TMPRSS9: variants seen among roughly 807,000 people sequenced by gnomAD.
The protein encoded by TMPRSS9 is transmembrane protease serine 9.
TMPRSS9 carries 113 observed loss-of-function variants against 111.4 expected under a neutral mutation model. The observed-to-expected ratio is 1.01, with a 90% confidence interval of 0.87 to 1.19. The LOEUF is 1.19. TMPRSS9 is among the 50% of genes most tolerant of loss of function. The probability of loss-of-function intolerance (pLI) is 0.00; values close to 1 mark genes in which losing one functional copy is unlikely to be tolerated. For synonymous variants in TMPRSS9, 805 were observed against 659.1 expected (o/e 1.22, Z -3.39); for missense variants, 1,803 against 1,513.1 (o/e 1.19, Z -3.18).
At chr19:2,369,645 C>A (rs1399249307) in intron 1 of TMPRSS9, among the ~76,000 whole-genome samples, 1 of 142,790 alleles carries the variant, frequency 7.0e-6, no homozygotes, top group Admixed American at 7.2e-5. Context: ...CATTATGTTG[C>A]CTACACTGAT....
intron 1 of TMPRSS9, 69 bp from the exon 3 acceptor site, chr19:2,396,470 G>A: frequency 6.7e-7 from 1 of 1,495,830 alleles, no homozygotes; most frequent in Non-Finnish European, 9.0e-7. Flanking sequence ...GCGGGGCCTG[G>A]GTGGCAGCTC....
chr19:2,368,788 T>TTTTTTTTTTTTTTTTTG (rs1970267050), intron 1 of TMPRSS9, among the ~76,000 whole-genome samples: 1 of 114,372 alleles, frequency 8.7e-6, no homozygotes, highest in Non-Finnish European at 1.7e-5. Flanking sequence ...TTTTTTTTTT[T>TTTTTTTTTTTTTTTTTG]TTTTTTTTTT....
At position 2,409,030 on chromosome 19, in the gene TMPRSS9, A is replaced by AATAATG. The variant is rs1430224737; in HGVS notation, c.1117+402_1117+403insAATGAT. On this transcript the variant is annotated intron_variant, in intron 8 of 17. Transcript: ENST00000648592. ...TAATAATAATAATAATAATAATAAT[A>AATAATG]ATGATGATGCAGAAAAACACAGTGG... 4.7e-3 allele frequency among the ~76,000 whole-genome samples: 586 copies of AATAATG among 125,312 alleles called. 3 individuals are homozygous for AATAATG. The highest frequency in any genetic ancestry group is 0.024 in the Middle Eastern group (6 of 248). 82.2% of individuals were successfully genotyped at this position (125,312 alleles called of 152,430 possible).
At chr19:2,420,183 G>C (rs971115292) in intron 13 of TMPRSS9, among the ~76,000 whole-genome samples, 1 of 151,856 alleles carries the variant, frequency 6.6e-6, no homozygotes, top group Non-Finnish European at 1.5e-5. Context: ...GGCGGGTGCA[G>C]TGGCATGCAT....
At chr19:2,425,903 C>T in intron 17 of TMPRSS9, 24 bp from the exon 19 acceptor site, 2 of 1,566,582 alleles carry the variant, frequency 1.3e-6, no homozygotes, top group East Asian at 2.3e-5. Flanking sequence ...GGCCTCTGAA[C>T]CCCCTTTCTT....
At chr19:2,417,425 CACTGCACT>C in intron 12 of TMPRSS9, among the ~76,000 whole-genome samples, 1 of 150,092 alleles carries the variant, frequency 6.7e-6, no homozygotes, top group Non-Finnish European at 1.5e-5. Context: ...GAGATTGTGC[CACTGCACT>C]CCAGCCTGGG....
At chr19:2,410,530 G>A (rs906655900) in intron 9 of TMPRSS9, 136 bp downstream of exon 10, 3 of 1,256,660 alleles carry the variant, frequency 2.4e-6, no homozygotes, top group Non-Finnish European at 3.2e-6. Flanking sequence ...ACACAGACAC[G>A]AGCGTGTTCA....
chr19:2,369,241 G>A (rs1433742995), intron 1 of TMPRSS9, among the ~76,000 whole-genome samples: 4 of 152,080 alleles, frequency 2.6e-5, no homozygotes, highest in Admixed American at 6.6e-5. Context: ...CACTGTGCCC[G>A]GCCAAACCCA....
Position 2,399,354 on chromosome 19 carries a change from C to T in TMPRSS9, c.514+161C>T, listed in dbSNP as rs12609090. Among the ~76,000 whole-genome samples, 7 of 152,172 alleles carry T rather than the reference C, an allele frequency of 4.6e-5. No homozygotes were observed. In the East Asian group the frequency reaches 5.8e-4, roughly 13 times the overall value. ...ACCCCAGCATTTTGGGAGGCCGAGG[C>T]GGGTGGATCACCTGAGGTCAGGAGT... is the stretch of plus-strand genomic sequence containing the variant. On this transcript the variant is annotated intron_variant, in intron 4 of 17. Transcript: ENST00000648592.
intron 4 of TMPRSS9, among the ~76,000 whole-genome samples, chr19:2,401,335 C>A (rs1181012817): frequency 1.3e-5 from 2 of 152,122 alleles, no homozygotes; most frequent in Non-Finnish European, 2.9e-5. Context: ...CCCCACCAAC[C>A]GTCACATGCT....
At chr19:2,414,727 C>A (rs1408161787) in intron 10 of TMPRSS9, among the ~76,000 whole-genome samples, 1 of 150,852 alleles carries the variant, frequency 6.6e-6, no homozygotes, top group Non-Finnish European at 1.5e-5. Flanking sequence ...ATTAGCTGGG[C>A]ATGGTGGAGG....
intron 1 of TMPRSS9, among the ~76,000 whole-genome samples, chr19:2,383,320 C>T (rs1970408394): frequency 6.6e-6 from 1 of 151,616 alleles, no homozygotes; most frequent in African/African-American, 2.4e-5. Flanking sequence ...CACCACTGCA[C>T]TCCAGCCTGG....
chr19:2,379,181 CTTTTTTTTTTTT>C (rs919990556), intron 1 of TMPRSS9, among the ~76,000 whole-genome samples: 1 of 99,422 alleles, frequency 1.0e-5, no homozygotes, highest in South Asian at 3.4e-4. Flanking sequence ...GCTTCTTTCT[CTTTTTTTTTTTT>C]TTTTTTTTTT....
At chr19:2,417,152 TCTCTG>T (rs1156520597) in intron 12 of TMPRSS9, among the ~76,000 whole-genome samples, 1 of 152,124 alleles carries the variant, frequency 6.6e-6, no homozygotes, top group Non-Finnish European at 1.5e-5. Context: ...AATATTTAAT[TCTCTG>T]ACCATTTATA....
rs761634829 is a variant in TMPRSS9 at position 2,415,629 on chromosome 19, A to T, written c.1574-41A>T. On this transcript the variant is annotated intron_variant, in intron 10 of 17. Coordinates refer to ENST00000648592, the Ensembl canonical transcript of TMPRSS9. The stretch of plus-strand genomic sequence containing the variant: ...CCCCACCGGATGCTCCCACCCGAGC[A>T]GGCCAAGATCCCCAGACCTGGTCTT... 34 of 1,483,956 alleles carry T rather than the reference A, an allele frequency of 2.3e-5. No homozygotes were observed. In the South Asian group the frequency reaches 4.7e-4, roughly 20 times the overall value. 91.9% of individuals were successfully genotyped at this position (1,483,956 alleles called of 1,614,324 possible).
At chr19:2,364,708 G>A (rs928529642) in intron 1 of TMPRSS9, among the ~76,000 whole-genome samples, 2 of 152,002 alleles carry the variant, frequency 1.3e-5, no homozygotes, top group South Asian at 2.1e-4. Context: ...AAACTGGGCC[G>A]GGAACGGTGG....
At chr19:2,420,222 T>G (rs1971431939) in intron 13 of TMPRSS9, among the ~76,000 whole-genome samples, 1 of 152,050 alleles carries the variant, frequency 6.6e-6, no homozygotes, top group Admixed American at 6.6e-5. Context: ...GCAGATCACC[T>G]GAGGTAGGCA....
chr19:2,405,016 C>T (rs184108724), intron 6 of TMPRSS9, among the ~76,000 whole-genome samples: 6 of 150,864 alleles, frequency 4.0e-5, no homozygotes, highest in Admixed American at 4.0e-4. Context: ...TATAGAATTA[C>T]AAAATTTTGT....
chr19:2,424,019 G>A (rs1971529978), intron 14 of TMPRSS9, 70 bp from the exon 16 acceptor site: 1 of 1,240,552 alleles, frequency 8.1e-7, no homozygotes, highest in Non-Finnish European at 1.0e-6. Context: ...GTGGAGAGGC[G>A]GCGCCCAGGG....
Sources: gnomAD v4.1 joint callset for allele counts (sites outside exome capture counted in the v4.1 genomes callset) on GRCh38, gnomAD v4.1.1 for gene constraint, MANE v1.5 for transcripts, NCBI Gene and HGNC (gene_info 2026-07-23, HGNC 2026-07-21) for gene names.